The following CLUL1 variants were observed in gnomAD, a reference collection of about 807,000 sequenced individuals.
CLUL1 encodes clusterin like 1, also known as clusterin-like protein 1.
In CLUL1, 43 loss-of-function variants were observed where a neutral mutation model predicts 49.4. That is an observed-to-expected ratio of 0.87 (90% CI 0.68 to 1.12). The LOEUF is 1.12. CLUL1 is among the 50% of genes most tolerant of loss of function. CLUL1 has a pLI of 0.00. For missense variants in CLUL1, 486 were observed against 544.4 expected (o/e 0.89, Z 1.07); for synonymous variants, 192 against 184.9 (o/e 1.04, Z -0.31).
At position 609,545 on chromosome 18, in the gene CLUL1, C is replaced by T. The variant is rs1397397484; in HGVS notation, c.-14+2446C>T. ...CTGTGCTTAAAAAGTTTAGATTGGC[C>T]AGGCATGGTGGCTCATGGCTGCAAT... is the stretch of plus-strand genomic sequence containing the variant. On this transcript the variant is annotated intron_variant, in intron 2 of 9. Transcript: ENST00000692774. Among the ~76,000 whole-genome samples the T allele has an allele frequency of 2.6e-5, 4 of 152,056 alleles. No homozygotes were observed. The South Asian group carries it at 8.3e-4, about 32-fold the overall frequency.
chr18:604,781 T>G (rs1191070007), intron 1 of CLUL1, among the ~76,000 whole-genome samples: 1 of 152,172 alleles, frequency 6.6e-6, no homozygotes, highest in African/African-American at 2.4e-5. Context: ...AAAGGAAAGC[T>G]CTCAGGAAAG....
chr18:620,216 CT>C (rs1455534520), intron 4 of CLUL1, among the ~76,000 whole-genome samples: 1 of 152,120 alleles, frequency 6.6e-6, no homozygotes, highest in Admixed American at 6.6e-5. Flanking sequence ...TATTTTGAAA[CT>C]TTTAGCCGAC....
intron 4 of CLUL1, among the ~76,000 whole-genome samples, chr18:620,863 CT>C (rs1013335554): frequency 1.3e-5 from 2 of 151,978 alleles, no homozygotes; most frequent in Admixed American, 1.3e-4. Flanking sequence ...AAAACAATGA[CT>C]TTTTTAAAAA....
intron 2 of CLUL1, among the ~76,000 whole-genome samples, chr18:609,247 C>T (rs1037117721): frequency 1.3e-5 from 2 of 152,196 alleles, no homozygotes; most frequent in Non-Finnish European, 1.5e-5. Flanking sequence ...CAGCCACCCA[C>T]AAGGACACTC....
At chr18:614,340 G>GAAGC (rs2073230737) in intron 2 of CLUL1, among the ~76,000 whole-genome samples, 2 of 151,020 alleles carry the variant, frequency 1.3e-5, no homozygotes, top group South Asian at 4.2e-4. Flanking sequence ...GGGAGGGAAG[G>GAAGC]AAGGAAGGAA....
chr18:644,978 T>A lies in CLUL1; in HGVS notation c.1278T>A (p.Ile426=). Residue 426 remains isoleucine, a synonymous_variant, in exon 9 of 10, where the codon ATT becomes ATA. Transcript: ENST00000692774. The part of the protein sequence containing the change: ...QDETMMTDLS[I]LPSSNFTLKI... ...AAACAATGATGACAGACTTAAGCAT[T>A]CTGCCTTCCTCTAATTTCACACTCA... 6.2e-7 allele frequency: 1 copy of A among 1,613,788 alleles called. No homozygotes were observed.
chr18:622,617 C>T (rs1450034697), intron 4 of CLUL1, among the ~76,000 whole-genome samples: 1 of 152,186 alleles, frequency 6.6e-6, no homozygotes, highest in Non-Finnish European at 1.5e-5. Flanking sequence ...TCTTCCATGG[C>T]AATGTTTCAC....
At position 645,810 on chromosome 18, in the gene CLUL1, AATATATATATATATATATATAT is replaced by A. The variant is rs35329822; in HGVS notation, c.1397+734_1397+755del. 4.0e-4 allele frequency among the ~76,000 whole-genome samples: 12 copies of A among 29,872 alleles called. 2 individuals are homozygous for A. Among genetic ancestry groups the A allele is most frequent in the African/African-American group, 9.7e-4 (7 of 7,248 alleles). 19.6% of individuals were successfully genotyped at this position (29,872 alleles called of 152,430 possible). A position where few individuals can be genotyped will look rare whatever the true frequency, so the allele number is the denominator to read the frequency against. On this transcript the variant is annotated intron_variant, in intron 9 of 9. Coordinates refer to ENST00000692774, the MANE Select transcript of CLUL1 (RefSeq NM_001393344.1). ...CTCTGTTTAAAAAAAAAAAAAAAAAAATATATATATATATATATATATATATATATATATATATATATGTTAA... is the reference window on the plus strand; with the variant it reads ...CTCTGTTTAAAAAAAAAAAAAAAAAAATATATATATATATATATATGTTAA...
At chr18:621,878 T>C (rs2073497264) in intron 4 of CLUL1, among the ~76,000 whole-genome samples, 1 of 152,168 alleles carries the variant, frequency 6.6e-6, no homozygotes, top group Admixed American at 6.5e-5. Flanking sequence ...AATATTCCAC[T>C]TTGGGTGGGT....
At chr18:643,167 A>G (rs1598447302) in intron 8 of CLUL1, among the ~76,000 whole-genome samples, 1 of 152,222 alleles carries the variant, frequency 6.6e-6, no homozygotes, top group Non-Finnish European at 1.5e-5. Context: ...AAATATTAGC[A>G]TGCATTGCAT....
At position 618,320 on chromosome 18, in the gene CLUL1, T is replaced by C. The variant is rs773449308; in HGVS notation, c.106+214T>C. Among the ~76,000 whole-genome samples, 1 of 152,340 alleles carries C rather than the reference T, an allele frequency of 6.6e-6. No individual in the cohort carries two copies. Among genetic ancestry groups the C allele is most frequent in the Non-Finnish European group, 1.5e-5 (1 of 68,024 alleles). ...CTGCAGGCGTTCACCTTTCCAGATG[T>C]TTGTATCATGTAGATACAACTTGCC... On this transcript the variant is annotated intron_variant, in intron 3 of 9. Coordinates refer to ENST00000692774, the MANE Select transcript of CLUL1 (RefSeq NM_001393344.1). The surrounding 1 kb of genome is among the most constrained non-coding windows in gnomAD (Gnocchi z 4.2).
chr18:621,049 C>G (rs182264336), intron 4 of CLUL1, among the ~76,000 whole-genome samples: 57 of 152,126 alleles, frequency 3.7e-4, no homozygotes, highest in Non-Finnish European at 6.9e-4. Flanking sequence ...CCATCATAAC[C>G]ATTTTTAAGT....
In CLUL1 at chr18:627,293, A is replaced by G. The variant is rs564780184; in HGVS notation, c.620A>G (p.Gln207Arg). ...TTTAACGTCTTCAGACAGATGCAGC[A>G]AGAGTTTGACCAGACTTTTCAATCA... Reference protein sequence around the residue: ...RSFNVFRQMQQEFDQTFQSHF... With the variant: ...RSFNVFRQMQREFDQTFQSHF... Residue 207 changes from glutamine to arginine, a missense_variant, in exon 6 of 10, where the codon CAA (glutamine) becomes CGA (arginine). Gln to Arg is a conservative substitution (Grantham distance 43). Coordinates refer to ENST00000692774, the MANE Select transcript of CLUL1 (RefSeq NM_001393344.1). The G allele has an allele frequency of 1.2e-6, 2 of 1,614,094 alleles. No homozygotes were observed. The highest frequency in any genetic ancestry group is 1.3e-5 in the African/African-American group (1 of 75,042).
chr18:633,354 T>A lies in CLUL1; in HGVS notation c.913T>A (p.Cys305Ser). The change falls in exon 7 of 10, where the codon TGT (cysteine) becomes AGT (serine). Residue 305 changes from cysteine (C) to serine (S), a missense_variant. Physicochemically the swap from Cys to Ser is moderately radical, Grantham distance 112 (BLOSUM62 -1). Transcript: ENST00000692774. ...KMLPGQDRGL[C>S]GELDQNLSRC... The stretch of plus-strand genomic sequence containing the variant: ...GTTACCTGGGCAGGACAGAGGACTG[T>A]GTGGGGAACTTGACCAGAATTTGTC... The A allele has an allele frequency of 6.2e-7, 1 of 1,613,822 alleles. No individual in the cohort carries two copies. The highest frequency in any genetic ancestry group is 8.5e-7 in the Non-Finnish European group (1 of 1,179,716).
intron 5 of CLUL1, among the ~76,000 whole-genome samples, chr18:626,863 AT>A (rs1299356759): frequency 1.1e-5 from 1 of 94,016 alleles, no homozygotes; most frequent in Non-Finnish European, 2.3e-5. Context: ...TCCATCTCAA[AT>A]AAGAAAGAAA....
chr18:643,721 A>G (rs114763378), intron 8 of CLUL1, among the ~76,000 whole-genome samples: 1,573 of 152,336 alleles, frequency 0.01, 31 homozygotes, highest in African/African-American at 0.035. Flanking sequence ...TATAACAATT[A>G]TTACCACTTA....
chr18:607,678 T>C (rs1346491451), intron 2 of CLUL1, among the ~76,000 whole-genome samples: 1 of 151,590 alleles, frequency 6.6e-6, no homozygotes, highest in African/African-American at 2.4e-5. Flanking sequence ...TGCTCCCACA[T>C]TGGCGTCCCA....
chr18:620,411 G>GA (rs1186274447), intron 4 of CLUL1, among the ~76,000 whole-genome samples: 3 of 151,176 alleles, frequency 2.0e-5, no homozygotes, highest in Non-Finnish European at 4.4e-5. Context: ...TCCATTTAGT[G>GA]AAGGTTACTT....
rs533913745 is a variant in CLUL1, at chr18:627,485, C to G, written c.812C>G (p.Thr271Ser). The part of the protein sequence containing the change: ...SIYESVSETI[T>S]KMLKAIEDLP... ...TATGAAAGTGTCAGTGAAACAATTA[C>G]TAAGATGCTGAAGGCAATAGAAGAT... The change falls in exon 6 of 10, where the codon ACT (threonine) becomes AGT (serine). Residue 271 changes from threonine to serine, a missense_variant. By Grantham distance (58) the Thr-to-Ser change is moderately conservative (BLOSUM62 1). Transcript: ENST00000692774. 1 of 1,612,934 alleles carries G rather than the reference C, an allele frequency of 6.2e-7. No homozygotes were observed. Among genetic ancestry groups the G allele is most frequent in the Admixed American group, 1.7e-5 (1 of 59,978 alleles).
Sources: gnomAD v4.1 joint callset for allele counts (sites outside exome capture counted in the v4.1 genomes callset) on GRCh38, gnomAD v4.1.1 for gene constraint, Gnocchi (gnomAD v3.1) non-coding constraint, MANE v1.5 for transcripts, NCBI Gene and HGNC (gene_info 2026-07-23, HGNC 2026-07-21) for gene names.